The following EIF4G3 variants were observed in gnomAD, a reference collection of about 807,000 sequenced individuals.
The protein encoded by EIF4G3 is eIF-4-gamma 3.
EIF4G3 carries 34 observed loss-of-function variants against 186.4 expected under a neutral mutation model. The observed-to-expected ratio is 0.18, with a 90% CI of 0.14 to 0.24. The LOEUF (loss-of-function observed/expected upper bound fraction) is 0.24. EIF4G3 is among the 10% of genes least tolerant of loss of function. The pLI, the probability that EIF4G3 is intolerant of heterozygous loss-of-function variation, is 1.00. For synonymous variants in EIF4G3, 673 were observed against 679.5 expected (o/e 0.99, Z 0.15); for missense variants, 1,536 against 1,948.5 (o/e 0.79, Z 3.99).
chr1:20,954,534 CAAA>C (rs35942587), intron 12 of EIF4G3, among the ~76,000 whole-genome samples: 2 of 49,324 alleles, frequency 4.1e-5, no homozygotes, highest in Non-Finnish European at 6.9e-5. Context: ...GACCCCGTCT[CAAA>C]AAAAAAAAAA....
intron 4 of EIF4G3, among the ~76,000 whole-genome samples, chr1:21,047,424 C>T (rs574529636): frequency 6.6e-6 from 1 of 152,170 alleles, no homozygotes; most frequent in African/African-American, 2.4e-5. Flanking sequence ...AATAAGACAA[C>T]CTTTGTTCAC....
intron 2 of EIF4G3, among the ~76,000 whole-genome samples, chr1:21,172,801 G>A (rs2098010749): frequency 2.0e-5 from 3 of 150,966 alleles, no homozygotes; most frequent in African/African-American, 7.4e-5. Context: ...GCCCACCTCG[G>A]CCTCCCAAAG....
intron 13 of EIF4G3, 133 bp from the exon 14 acceptor site, chr1:20,942,463 G>A: frequency 1.3e-6 from 1 of 768,914 alleles, no homozygotes; most frequent in Non-Finnish European, 1.9e-6. Context: ...GACTTATTCT[G>A]GTATGCCAAA....
At chr1:21,143,735 A>T (rs1307384856) in intron 2 of EIF4G3, among the ~76,000 whole-genome samples, 2 of 152,200 alleles carry the variant, frequency 1.3e-5, no homozygotes, top group African/African-American at 4.8e-5. Context: ...GCTGGCCAAC[A>T]TGGCAAAACC....
intron 12 of EIF4G3, among the ~76,000 whole-genome samples, chr1:20,954,211 T>G (rs1252886981): frequency 6.6e-6 from 1 of 152,134 alleles, no homozygotes; most frequent in Admixed American, 6.5e-5. Flanking sequence ...TAAACAAGTA[T>G]AGCCTCCACT....
chr1:21,098,834 G>A (rs112593859), intron 2 of EIF4G3, among the ~76,000 whole-genome samples: 165 of 152,038 alleles, frequency 1.1e-3, no homozygotes, highest in African/African-American at 3.9e-3. Flanking sequence ...ATGAAGTCTC[G>A]CTATGTTGCC....
intron 34 of EIF4G3, 36 bp from the exon 35 acceptor site, chr1:20,813,275 C>T: frequency 6.5e-7 from 1 of 1,527,448 alleles, no homozygotes; most frequent in Non-Finnish European, 9.0e-7. Flanking sequence ...TTAAAGATAC[C>T]TTGCTCAGCC....
intron 4 of EIF4G3, among the ~76,000 whole-genome samples, chr1:21,040,158 TCA>T (rs1348925046): frequency 6.6e-6 from 1 of 152,212 alleles, no homozygotes; most frequent in African/African-American, 2.4e-5. Context: ...GTTGGGACTT[TCA>T]GTCGGACCCC....
chr1:21,163,689 T>C (rs1470471898), intron 2 of EIF4G3, among the ~76,000 whole-genome samples: 3 of 152,258 alleles, frequency 2.0e-5, no homozygotes, highest in Admixed American at 6.5e-5. Flanking sequence ...AACCTCTTCT[T>C]TAATGTGGTC....
At chr1:20,955,869 A>C (rs186187313) in intron 12 of EIF4G3, among the ~76,000 whole-genome samples, 1 of 152,176 alleles carries the variant, frequency 6.6e-6, no homozygotes, top group Non-Finnish European at 1.5e-5. Context: ...GGGTTTGGTT[A>C]GAGGAAAACC....
At chr1:21,028,937 G>A (rs2092455664) in intron 4 of EIF4G3, among the ~76,000 whole-genome samples, 1 of 152,216 alleles carries the variant, frequency 6.6e-6, no homozygotes, top group Non-Finnish European at 1.5e-5. Context: ...CCAAGCGGGA[G>A]TTCATGATCA....
At chr1:21,065,720 T>C (rs1359646444) in intron 3 of EIF4G3, among the ~76,000 whole-genome samples, 1 of 152,180 alleles carries the variant, frequency 6.6e-6, no homozygotes, top group African/African-American at 2.4e-5. Flanking sequence ...TAAGGACTTA[T>C]CATGCTGATT....
chr1:21,131,997 AAAAG>A (rs2097162165), intron 2 of EIF4G3, among the ~76,000 whole-genome samples: 1 of 152,156 alleles, frequency 6.6e-6, no homozygotes, highest in Non-Finnish European at 1.5e-5. Context: ...AATAATCAAA[AAAAG>A]AAAGAAAAAT....
Position 20,948,176 on chromosome 1 carries a change from A to G in EIF4G3, c.823+1827T>C, listed in dbSNP as rs374284753. ...TTACACATTTGCGAAAGTGCAATGA[A>G]GTTTTGAAGGGAAATACTCTGAGAA... On this transcript the variant is annotated intron_variant, in intron 13 of 36. Transcript: ENST00000602326. 1.1e-4 allele frequency among the ~76,000 whole-genome samples: 16 copies of G among 152,280 alleles called. No homozygotes were observed. In the East Asian group the frequency reaches 2.9e-3, roughly 28 times the overall value.
At chr1:20,981,761 CACACATACT>C (rs2078321749) in intron 8 of EIF4G3, among the ~76,000 whole-genome samples, 1 of 132,634 alleles carries the variant, frequency 7.5e-6, no homozygotes, top group African/African-American at 2.6e-5. Flanking sequence ...TATATGTATA[CACACATACT>C]GTATATATAC....
intron 4 of EIF4G3, among the ~76,000 whole-genome samples, chr1:21,019,411 T>G (rs1241518690): frequency 6.6e-6 from 1 of 152,250 alleles, no homozygotes; most frequent in Non-Finnish European, 1.5e-5. Flanking sequence ...TATGGTAGTA[T>G]ATTCCACATG....
At chr1:20,999,624 C>CAT in intron 6 of EIF4G3, 1 of 391,440 alleles carries the variant, frequency 2.6e-6, no homozygotes, top group South Asian at 1.9e-5. Flanking sequence ...TATAAAATTA[C>CAT]ATATATATAA....
At chr1:20,960,068 A>G (rs1379453493) in intron 12 of EIF4G3, among the ~76,000 whole-genome samples, 1 of 152,234 alleles carries the variant, frequency 6.6e-6, no homozygotes, top group Non-Finnish European at 1.5e-5. Flanking sequence ...CGAAGTCATC[A>G]TATGAAAAAG....
chr1:21,176,794 T>A lies in EIF4G3; in HGVS notation c.-528A>T, dbSNP rs764713248. The A allele has an allele frequency of 3.6e-4, 255 of 700,390 alleles. No individual in the cohort carries two copies. The highest frequency in any genetic ancestry group is 6.8e-5 in the Non-Finnish European group (26 of 383,782). The allele number at this position is 700,390 out of a possible 1,614,324, so 43.4% of individuals were successfully genotyped here. On this transcript the variant is annotated 5_prime_UTR_variant, in exon 1 of 37. Coordinates refer to ENST00000602326, the MANE Select transcript of EIF4G3 (RefSeq NM_001391906.1). ...CCCTCCCCGGAGGAAGCGGCGCCCT[T>A]CTCGGTAGCGGGGCTCAGGCGATGC...
Sources: gnomAD v4.1 joint callset for allele counts (sites outside exome capture counted in the v4.1 genomes callset) on GRCh38, gnomAD v4.1.1 for gene constraint, MANE v1.5 for transcripts, NCBI Gene and HGNC (gene_info 2026-07-23, HGNC 2026-07-21) for gene names.